PLCH1: variants seen among roughly 807,000 people sequenced by gnomAD.
The protein encoded by PLCH1 is phospholipase C eta 1.
Under a neutral mutation model 126.7 loss-of-function variants are expected in PLCH1, and 60 were observed. That is an observed-to-expected ratio of 0.47 (90% CI 0.38 to 0.59). PLCH1 has a LOEUF of 0.59. PLCH1 is among the 20% of genes least tolerant of loss of function. PLCH1 has a pLI of 0.00. For missense variants in PLCH1, 1,723 were observed against 2,040.0 expected (o/e 0.84, Z 2.99); for synonymous variants, 719 against 734.9 (o/e 0.98, Z 0.35).
At position 155,494,364 on chromosome 3, in the gene PLCH1, G is replaced by A. The variant is rs999296824; in HGVS notation, c.2048C>T (p.Pro683Leu). 24 of 1,614,142 alleles carry A rather than the reference G, an allele frequency of 1.5e-5. No individual in the cohort carries two copies. Among genetic ancestry groups the A allele is most frequent in the Non-Finnish European group, 1.9e-5 (23 of 1,180,008 alleles). The change falls in exon 16 of 23, where the codon CCC becomes CTC. Residue 683 changes from proline (P) to leucine (L), a missense_variant. Around this residue, in one of 2 missense-constraint regions of PLCH1, gnomAD observed 776 missense variants for 1,062.9 expected, o/e 0.73. Transcript: ENST00000460012. Reference protein sequence around the residue: ...RIDSSNFNPLPYWNAGCQLVA... With the variant: ...RIDSSNFNPLLYWNAGCQLVA... ...TAGCTGGCAGCCTGCGTTCCAGTAG[G>A]GGAGAGGGTTGAAGTTACTGGAATC...
chr3:155,575,389 T>G (rs1273060367), intron 6 of PLCH1, among the ~76,000 whole-genome samples: 2 of 152,118 alleles, frequency 1.3e-5, no homozygotes, highest in Non-Finnish European at 2.9e-5. Context: ...ATTCCTATAA[T>G]TGGATCAGAA....
At chr3:155,694,653 C>T (rs936113091) in intron 2 of PLCH1, among the ~76,000 whole-genome samples, 2 of 152,150 alleles carry the variant, frequency 1.3e-5, no homozygotes, top group Non-Finnish European at 2.9e-5. Context: ...AACACTTATA[C>T]GTCAGTCACA....
At position 155,514,897 on chromosome 3, in the gene PLCH1, A is replaced by C; in HGVS notation, c.1471-13T>G. The C allele has an allele frequency of 6.4e-7, 1 of 1,563,238 alleles. No homozygotes were observed. Among genetic ancestry groups the C allele is most frequent in the Admixed American group, 1.8e-5 (1 of 56,116 alleles). On this transcript the variant is annotated splice_polypyrimidine_tract_variant and intron_variant, in intron 11 of 22. Transcript: ENST00000460012. ...TGGTCCCATTACTCTGCAAAGAATT[A>C]AGTAACACAAATGATTTCCTTAAGA...
chr3:155,646,823 C>T (rs1740117455), intron 2 of PLCH1, among the ~76,000 whole-genome samples: 1 of 152,278 alleles, frequency 6.6e-6, no homozygotes, highest in Admixed American at 6.5e-5. Context: ...AAAGATAAAC[C>T]CATAAACATA....
chr3:155,725,543 G>A (rs1748257539), intron 1 of PLCH1, among the ~76,000 whole-genome samples: 1 of 150,626 alleles, frequency 6.6e-6, no homozygotes, highest in East Asian at 2.0e-4. Context: ...CACCTCCCAC[G>A]TTCAAGCAAT....
At chr3:155,739,071 T>G (rs939599426) in intron 1 of PLCH1, among the ~76,000 whole-genome samples, 27 of 152,218 alleles carry the variant, frequency 1.8e-4, no homozygotes, top group African/African-American at 6.5e-4. Context: ...TCAAAAATAC[T>G]GCAAATCTAA....
intron 1 of PLCH1, among the ~76,000 whole-genome samples, chr3:155,737,584 A>G (rs574083948): frequency 4.5e-4 from 69 of 152,308 alleles, no homozygotes; most frequent in African/African-American, 1.5e-3. Context: ...ACATAACCCT[A>G]ACTCCTTATA....
chr3:155,586,566 G>A (rs911571993), intron 4 of PLCH1, among the ~76,000 whole-genome samples: 1 of 152,094 alleles, frequency 6.6e-6, no homozygotes, highest in African/African-American at 2.4e-5. Context: ...AATTAGCTAG[G>A]CATGGTGGCA....
chr3:155,687,288 G>A (rs573694760), intron 2 of PLCH1, among the ~76,000 whole-genome samples: 39 of 151,994 alleles, frequency 2.6e-4, no homozygotes, highest in Admixed American at 1.6e-3. Flanking sequence ...ATTCATAGTC[G>A]ACTAGCACAA....
chr3:155,454,738 T>C (rs1286073707), intron 21 of PLCH1, among the ~76,000 whole-genome samples: 5 of 152,188 alleles, frequency 3.3e-5, no homozygotes, highest in Non-Finnish European at 7.3e-5. Context: ...AAGGAATCAT[T>C]GGTTCAAGAT....
At chr3:155,453,222 T>G (rs1423391910) in intron 21 of PLCH1, among the ~76,000 whole-genome samples, 1 of 152,118 alleles carries the variant, frequency 6.6e-6, no homozygotes, top group Non-Finnish European at 1.5e-5. Context: ...CTTTCACAGA[T>G]GGAAGGAAAT....
intron 2 of PLCH1, among the ~76,000 whole-genome samples, chr3:155,616,489 A>T (rs1380515773): frequency 6.6e-6 from 1 of 152,210 alleles, no homozygotes; most frequent in Non-Finnish European, 1.5e-5. Context: ...TGGAGCATTG[A>T]TCTGCTCTTT....
At chr3:155,489,294 T>G (rs1026714367) in intron 19 of PLCH1, among the ~76,000 whole-genome samples, 2 of 152,214 alleles carry the variant, frequency 1.3e-5, no homozygotes, top group African/African-American at 4.8e-5. Flanking sequence ...TTATTTCTTA[T>G]AGCAATTCTC....
chr3:155,737,100 C>T (rs1444629782), intron 1 of PLCH1, among the ~76,000 whole-genome samples: 1 of 151,376 alleles, frequency 6.6e-6, no homozygotes, highest in Non-Finnish European at 1.5e-5. Flanking sequence ...GGCGTGGTGG[C>T]GCACGTCTGT....
chr3:155,612,254 G>A (rs1735198463), intron 2 of PLCH1, among the ~76,000 whole-genome samples: 1 of 151,880 alleles, frequency 6.6e-6, no homozygotes, highest in Admixed American at 6.6e-5. Context: ...ACTTAAACCT[G>A]GGAGGTGGAA....
chr3:155,580,316 C>A (rs1330755325), intron 6 of PLCH1, among the ~76,000 whole-genome samples: 1 of 152,044 alleles, frequency 6.6e-6, no homozygotes, highest in Non-Finnish European at 1.5e-5. Flanking sequence ...ATACTTTGTA[C>A]TTTTTTCATT....
At chr3:155,705,273 C>A (rs769838091) in intron 1 of PLCH1, among the ~76,000 whole-genome samples, 2 of 152,158 alleles carry the variant, frequency 1.3e-5, no homozygotes, top group Non-Finnish European at 2.9e-5. Context: ...GTGAAGGCTC[C>A]TGAAGCTTTT....
chr3:155,648,341 G>A (rs1024148188), intron 2 of PLCH1, among the ~76,000 whole-genome samples: 2 of 152,146 alleles, frequency 1.3e-5, no homozygotes, highest in Non-Finnish European at 2.9e-5. Flanking sequence ...TAGGGCCTTG[G>A]GAAGGAAAAG....
At chr3:155,498,898 C>T (rs2108125882) in intron 14 of PLCH1, among the ~76,000 whole-genome samples, 1 of 152,268 alleles carries the variant, frequency 6.6e-6, no homozygotes, top group Non-Finnish European at 1.5e-5. Context: ...TCACATTCCC[C>T]TCACACACAC....
Sources: allele counts gnomAD v4.1 joint callset (sites outside exome capture counted in the v4.1 genomes callset), GRCh38; gene constraint gnomAD v4.1.1; regional missense constraint gnomAD v4.1.1; transcripts MANE v1.5; gene names NCBI Gene and HGNC (gene_info 2026-07-23, HGNC 2026-07-21).